DNAH14: variants seen among roughly 807,000 people sequenced by gnomAD.
DNAH14 encodes axonemal beta dynein heavy chain 14.
A neutral mutation model predicts 520.9 loss-of-function variants in DNAH14; 478 were observed. That is an observed-to-expected ratio of 0.92 (90% CI 0.85 to 0.99). The LOEUF (loss-of-function observed/expected upper bound fraction) is 0.99, where lower values mean the gene tolerates loss of function less well. DNAH14 is among the 50% of genes least tolerant of loss of function. The probability of loss-of-function intolerance (pLI) is 0.00; values close to 1 mark genes in which losing one functional copy is unlikely to be tolerated. For synonymous variants in DNAH14, 1,581 were observed against 1,757.2 expected (o/e 0.90, Z 2.51); for missense variants, 4,831 against 5,234.5 (o/e 0.92, Z 2.38).
chr1:225,303,506 C>T (rs983871806), intron 57 of DNAH14, among the ~76,000 whole-genome samples, 159 bp downstream of exon 57: 6 of 152,098 alleles, frequency 3.9e-5, no homozygotes, highest in African/African-American at 1.4e-4. Context: ...CTATTAATTC[C>T]CCATCTGTTG....
At chr1:225,108,671 T>C (rs954446185) in intron 23 of DNAH14, among the ~76,000 whole-genome samples, 2 of 152,214 alleles carry the variant, frequency 1.3e-5, no homozygotes, top group Non-Finnish European at 2.9e-5. Flanking sequence ...GGGTTGTCTC[T>C]TCATTATTTT....
At chr1:225,198,378 G>A (rs2086420329) in intron 38 of DNAH14, among the ~76,000 whole-genome samples, 3 of 151,874 alleles carry the variant, frequency 2.0e-5, no homozygotes, top group Admixed American at 2.0e-4. Context: ...CAACATGCCT[G>A]GCTAATTTTT....
In DNAH14 at chr1:225,331,531, G is replaced by C; in HGVS notation, c.9818G>C (p.Arg3273Pro). ...AATCGGAAAACAATGGCCAGCAGGC[G>C]CTTTCAGTGTGCGTCAGTCTTACTA... ...LANRKTMASR[R>P]FQCASVLLTV... Residue 3273 changes from arginine to proline, a missense_variant, in exon 65 of 86, where the codon CGC becomes CCC. Coordinates refer to ENST00000682510, the MANE Select transcript of DNAH14 (RefSeq NM_001367479.1). The C allele has an allele frequency of 5.8e-6, 9 of 1,551,410 alleles. No individual in the cohort carries two copies. The highest frequency in any genetic ancestry group is 7.8e-6 in the Non-Finnish European group (9 of 1,146,854).
intron 60 of DNAH14, among the ~76,000 whole-genome samples, chr1:225,316,799 C>A (rs1030373148): frequency 6.6e-6 from 1 of 152,216 alleles, no homozygotes; most frequent in Non-Finnish European, 1.5e-5. Context: ...TCCTATTTGG[C>A]CATCTTGGCC....
intron 18 of DNAH14, among the ~76,000 whole-genome samples, chr1:225,080,064 A>G (rs2072935838): frequency 6.6e-6 from 1 of 152,154 alleles, no homozygotes; most frequent in African/African-American, 2.4e-5. Context: ...TATTTTCACT[A>G]ATTTCTAACT....
chr1:225,367,034 CA>C (rs1558537148), intron 76 of DNAH14, among the ~76,000 whole-genome samples: 1 of 151,058 alleles, frequency 6.6e-6, no homozygotes, highest in Non-Finnish European at 1.5e-5. Context: ...CACACACACA[CA>C]CACACACACA....
chr1:225,276,196 T>C, intron 53 of DNAH14, 115 bp downstream of exon 53: 1 of 171,200 alleles, frequency 5.8e-6, no homozygotes, highest in Non-Finnish European at 1.4e-5. Context: ...GGTGTGTGTG[T>C]TTGTGTGTGA....
At chr1:225,180,318 T>C (rs1055870878) in intron 36 of DNAH14, among the ~76,000 whole-genome samples, 2 of 152,248 alleles carry the variant, frequency 1.3e-5, no homozygotes, top group Non-Finnish European at 2.9e-5. Context: ...TCTGTTATTC[T>C]ACTTTCACTG....
chr1:225,218,509 A>G (rs980724892), intron 41 of DNAH14, among the ~76,000 whole-genome samples: 4 of 151,938 alleles, frequency 2.6e-5, no homozygotes, highest in African/African-American at 9.7e-5. Context: ...AGGGGTTGCA[A>G]TCCTTGTCTC....
In DNAH14 at chr1:225,080,697, G is replaced by A; in HGVS notation, c.3085G>A (p.Val1029Ile). ...SSLQSIDVES[V>I]QRNVSKLMHI... ...TCTTCAAAGTATTGATGTAGAATCA[G>A]TACAGAGAAATGTTTCAAAACTGAT... Residue 1029 changes from valine to isoleucine, a missense_variant, in exon 19 of 86, where the codon GTA becomes ATA. Physicochemically the swap from Val to Ile is conservative, Grantham distance 29. Coordinates refer to ENST00000682510, the MANE Select transcript of DNAH14 (RefSeq NM_001367479.1). The A allele has an allele frequency of 1.3e-6, 2 of 1,541,794 alleles. No homozygotes were observed. The highest frequency in any genetic ancestry group is 1.7e-6 in the Non-Finnish European group (2 of 1,143,294).
At chr1:225,181,811 G>T (rs1484984339) in intron 36 of DNAH14, among the ~76,000 whole-genome samples, 1 of 152,144 alleles carries the variant, frequency 6.6e-6, no homozygotes, top group Non-Finnish European at 1.5e-5. Context: ...TTGAAGATCA[G>T]ATGGTTGTAG....
rs181462084 is a variant in DNAH14 at position 225,383,744 on chromosome 1, A to G, written c.13077+2165A>G. ...TCTCAGGTGGAGCTACTGAAAGGCA[A>G]TGGGACTGATCTTAGTTATTTCTTG... On this transcript the variant is annotated intron_variant, in intron 81 of 85. Coordinates refer to ENST00000682510, the MANE Select transcript of DNAH14 (RefSeq NM_001367479.1). Among the ~76,000 whole-genome samples, 15 of 152,276 alleles carry G rather than the reference A, an allele frequency of 9.9e-5. 1 individual carries two copies. Among genetic ancestry groups the G allele is most frequent in the Middle Eastern group, 6.8e-3 (2 of 294 alleles).
chr1:225,298,449 A>G (rs1198540924), intron 55 of DNAH14, among the ~76,000 whole-genome samples: 1 of 152,220 alleles, frequency 6.6e-6, no homozygotes, highest in Non-Finnish European at 1.5e-5. Context: ...TGGGACTGCC[A>G]GATTATTCCC....
chr1:225,353,693 GAAA>G, intron 72 of DNAH14, 107 bp from the exon 73 acceptor site: 1 of 523,060 alleles, frequency 1.9e-6, no homozygotes, highest in South Asian at 2.4e-5. Flanking sequence ...GCCATGTTTA[GAAA>G]AAAAAAAAAG....
intron 41 of DNAH14, among the ~76,000 whole-genome samples, chr1:225,219,672 TA>T (rs1340854776): frequency 1.3e-5 from 2 of 152,126 alleles, no homozygotes; most frequent in Non-Finnish European, 2.9e-5. Context: ...ATCCATAGCC[TA>T]CCAACCAAAA....
intron 66 of DNAH14, among the ~76,000 whole-genome samples, chr1:225,335,943 ATATG>A (rs1459661392): frequency 3.3e-5 from 4 of 122,014 alleles, no homozygotes; most frequent in African/African-American, 1.1e-4. Context: ...ATATATACAT[ATATG>A]TATATATACA....
intron 17 of DNAH14, among the ~76,000 whole-genome samples, chr1:225,068,115 AATTT>A (rs2071112846): frequency 1.3e-5 from 2 of 152,050 alleles, no homozygotes; most frequent in African/African-American, 4.8e-5. Context: ...ATCTTGAGAA[AATTT>A]TTGTATATGG....
intron 23 of DNAH14, among the ~76,000 whole-genome samples, chr1:225,102,443 C>T (rs533461607): frequency 1.1e-3 from 170 of 152,266 alleles, no homozygotes; most frequent in African/African-American, 4.0e-3. Context: ...ATTTCTAGTT[C>T]TAGATCCCTG....
At chr1:225,346,848 A>G (rs1271990151) in intron 71 of DNAH14, among the ~76,000 whole-genome samples, 194 bp downstream of exon 71, 2 of 152,162 alleles carry the variant, frequency 1.3e-5, no homozygotes, top group Non-Finnish European at 2.9e-5. Context: ...TGATTATTAT[A>G]ATCCTAACCT....
Sources: allele counts gnomAD v4.1 joint callset (sites outside exome capture counted in the v4.1 genomes callset), GRCh38; gene constraint gnomAD v4.1.1; transcripts MANE v1.5; gene names NCBI Gene and HGNC (gene_info 2026-07-23, HGNC 2026-07-21).